Variants in MINPP1 observed in about 807,000 individuals in gnomAD.
MINPP1 encodes the protein multiple inositol-polyphosphate phosphatase 1.
Under a neutral mutation model 46.1 loss-of-function variants are expected in MINPP1, and 28 were observed. The ratio of observed to expected loss-of-function variants is 0.61; its 90% confidence interval spans 0.45 to 0.83. The LOEUF is 0.83. MINPP1 is among the 40% of genes least tolerant of loss of function. MINPP1 has a pLI of 0.00. For missense variants in MINPP1, 603 were observed against 610.0 expected (o/e 0.99, Z 0.12); for synonymous variants, 268 against 249.1 (o/e 1.08, Z -0.72).
intron 4 of MINPP1, among the ~76,000 whole-genome samples, chr10:87,525,021 T>C (rs1208780835): frequency 6.6e-6 from 1 of 152,050 alleles, no homozygotes; most frequent in Non-Finnish European, 1.5e-5. Flanking sequence ...GCACGTGCTG[T>C]TGGAAAAATT....
intron 4 of MINPP1, among the ~76,000 whole-genome samples, chr10:87,545,461 C>T (rs1190883171): frequency 6.6e-6 from 1 of 151,870 alleles, no homozygotes; most frequent in Non-Finnish European, 1.5e-5. Flanking sequence ...TTGTGTTATA[C>T]TTCACCAGTA....
At chr10:87,520,079 T>TGTGTGTGTGTGTG (rs1359714382) in intron 3 of MINPP1, among the ~76,000 whole-genome samples, 5 of 151,550 alleles carry the variant, frequency 3.3e-5, no homozygotes, top group South Asian at 2.1e-4. Flanking sequence ...TGTGTGTGTG[T>TGTGTGTGTGTGTG]TGGTAATAAA....
intron 4 of MINPP1, among the ~76,000 whole-genome samples, chr10:87,538,912 C>T (rs972420727): frequency 6.6e-6 from 1 of 152,096 alleles, no homozygotes; most frequent in African/African-American, 2.4e-5. Context: ...GTTGTTTTTT[C>T]TGGTTGAGCT....
rs1286697148 is a variant in MINPP1, at chr10:87,505,518, C to G, written c.603C>G (p.His201Gln). The part of the protein sequence containing the change: ...SAAFLQGLWQ[H>Q]YHPGLPPPDV... The stretch of plus-strand genomic sequence containing the variant: ...CCTTCCTGCAGGGGCTGTGGCAGCA[C>G]TACCACCCTGGCTTGCCGCCGCCGG... Residue 201 changes from histidine to glutamine, a missense_variant, in exon 1 of 5, where the codon CAC (histidine) becomes CAG (glutamine). Physicochemically the swap from His to Gln is conservative, Grantham distance 24. Around this residue, in one of 3 missense-constraint regions of MINPP1, gnomAD observed 344 missense variants for 381.1 expected, o/e 0.90. Transcript: ENST00000371996. The surrounding 1 kb of genome is among the most constrained non-coding windows in gnomAD (Gnocchi z 4.4). 1 of 1,611,328 alleles carries G rather than the reference C, an allele frequency of 6.2e-7. No homozygotes were observed. The highest frequency in any genetic ancestry group is 1.3e-5 in the African/African-American group (1 of 74,914).
rs185822179 is a variant in MINPP1, at chr10:87,546,179, A to G, written c.1068-5903A>G. The stretch of plus-strand genomic sequence containing the variant: ...GCATAAATTAATCGTATGCTAAACA[A>G]GGAGTGGATTATTCATGAGTTTTCT... On this transcript the variant is annotated intron_variant, in intron 4 of 4. Transcript: ENST00000371996. Among the ~76,000 whole-genome samples, 651 of 152,346 alleles carry G rather than the reference A, an allele frequency of 4.3e-3. 5 individuals are homozygous for G. Among genetic ancestry groups the G allele is most frequent in the African/African-American group, 0.015 (628 of 41,572 alleles).
chr10:87,546,523 G>A (rs1202783179), intron 4 of MINPP1: 2 of 152,242 alleles, frequency 1.3e-5, no homozygotes, highest in African/African-American at 2.4e-5. Context: ...GCTTTTTATA[G>A]AACTGTGCTT....
chr10:87,516,010 G>A (rs913130768), intron 3 of MINPP1, among the ~76,000 whole-genome samples: 6 of 146,498 alleles, frequency 4.1e-5, no homozygotes, highest in Admixed American at 3.4e-4. Flanking sequence ...TGTATTTTTA[G>A]TAGAGACGGG....
intron 2 of MINPP1, among the ~76,000 whole-genome samples, chr10:87,512,796 C>T (rs1331420188): frequency 6.6e-6 from 1 of 151,814 alleles, no homozygotes; most frequent in Admixed American, 6.6e-5. Flanking sequence ...ATCACCACTG[C>T]ACTCTAGCCT....
chr10:87,544,773 T>G (rs1264285038), intron 4 of MINPP1, among the ~76,000 whole-genome samples: 1 of 152,212 alleles, frequency 6.6e-6, no homozygotes, highest in Admixed American at 6.5e-5. Flanking sequence ...AGTAATACTT[T>G]ACAAAGTAAT....
chr10:87,531,680 A>T (rs1411090498), intron 4 of MINPP1, among the ~76,000 whole-genome samples: 1 of 152,212 alleles, frequency 6.6e-6, no homozygotes, highest in Non-Finnish European at 1.5e-5. Flanking sequence ...TGCGGATGTG[A>T]TGCAGCAAGT....
intron 2 of MINPP1, among the ~76,000 whole-genome samples, chr10:87,509,398 T>G (rs931583492): frequency 2.6e-5 from 4 of 152,170 alleles, no homozygotes; most frequent in African/African-American, 9.7e-5. Flanking sequence ...GAAATTGAAT[T>G]TTTTCTCTCT....
rs745377288 is a variant in MINPP1 at position 87,505,018 on chromosome 10, C to G, written c.103C>G (p.Pro35Ala). The change falls in exon 1 of 5, where the codon CCG becomes GCG. Residue 35 changes from proline (P) to alanine (A), a missense_variant. Pro to Ala is a conservative substitution (Grantham distance 27, BLOSUM62 -1). Coordinates refer to ENST00000371996, the MANE Select transcript of MINPP1 (RefSeq NM_004897.5). The surrounding 1 kb of genome is among the most constrained non-coding windows in gnomAD (Gnocchi z 4.4). ...GCTTGCGCGCTGCTCTCTTCTAGAGCCGAGGGACCCGGTGGCCTCGTCGCT... is the reference window on the plus strand; with the variant it reads ...GCTTGCGCGCTGCTCTCTTCTAGAGGCGAGGGACCCGGTGGCCTCGTCGCT... ...SSLARCSLLE[P>A]RDPVASSLSP... 1.5e-5 allele frequency: 25 copies of G among 1,612,966 alleles called. No homozygotes were observed. The highest frequency in any genetic ancestry group is 2.0e-5 in the Non-Finnish European group (24 of 1,179,892).
rs1406423797 is a variant in MINPP1 at position 87,516,414 on chromosome 10, A to C, written c.933+3193A>C. On this transcript the variant is annotated intron_variant, in intron 3 of 4. Transcript: ENST00000371996. ...GTTATGGTGGGGTTGCATCCAGATA[A>C]ACCCATGGTAGATTGAATATCTTAA... Among the ~76,000 whole-genome samples, 5 of 104,940 alleles carry C rather than the reference A, an allele frequency of 4.8e-5. 1 individual carries two copies. The highest frequency in any genetic ancestry group is 1.4e-4 in the African/African-American group (5 of 34,966). 68.8% of individuals were successfully genotyped at this position (104,940 alleles called of 152,430 possible). A position where few individuals can be genotyped will look rare whatever the true frequency, so the allele number is the denominator to read the frequency against.
rs781197534 is a variant in MINPP1, at chr10:87,508,434, C to G, written c.736C>G (p.Leu246Val). ...LTEVEKNATA[L>V]YHVEAFKTGP... ...TGAAGTAGAAAAAAATGCTACAGCTCTTTATCACGTGGAAGCCTTCAAAAC... is the reference window on the plus strand; with the variant it reads ...TGAAGTAGAAAAAAATGCTACAGCTGTTTATCACGTGGAAGCCTTCAAAAC... Residue 246 changes from leucine to valine, a missense_variant, in exon 2 of 5, where the codon CTT (leucine) becomes GTT (valine). Around this residue, in one of 3 missense-constraint regions of MINPP1, gnomAD observed 344 missense variants for 381.1 expected, o/e 0.90. Coordinates refer to ENST00000371996, the MANE Select transcript of MINPP1 (RefSeq NM_004897.5). 12 of 1,613,754 alleles carry G rather than the reference C, an allele frequency of 7.4e-6. No individual in the cohort carries two copies. The highest frequency in any genetic ancestry group is 1.0e-5 in the Non-Finnish European group (12 of 1,179,848).
Position 87,505,542 on chromosome 10 carries a change from G to A in MINPP1, c.627G>A (p.Pro209=), listed in dbSNP as rs370593785. 1.2e-6 allele frequency: 2 copies of A among 1,605,576 alleles called. No homozygotes were observed. The highest frequency in any genetic ancestry group is 1.3e-5 in the African/African-American group (1 of 74,856). Reference sequence around the variant, plus strand: ...ACTACCACCCTGGCTTGCCGCCGCCGGACGTCGCAGGTGACCCCCCGGGCG... The same window carrying A: ...ACTACCACCCTGGCTTGCCGCCGCCAGACGTCGCAGGTGACCCCCCGGGCG... The part of the protein sequence containing the change: ...WQHYHPGLPP[P]DVADMEFGPP... The change falls in exon 1 of 5, where the codon CCG becomes CCA. Residue 209 remains proline, a synonymous_variant. Transcript: ENST00000371996. This position sits in a 1 kb window ranked among gnomAD's most constrained non-coding sequence, Gnocchi z 4.4.
intron 2 of MINPP1, among the ~76,000 whole-genome samples, chr10:87,510,074 A>G (rs1247740130): frequency 6.6e-6 from 1 of 152,192 alleles, no homozygotes; most frequent in Non-Finnish European, 1.5e-5. Context: ...CTATTGAATA[A>G]CTATGATTTT....
At chr10:87,516,079 T>C (rs1851411093) in intron 3 of MINPP1, among the ~76,000 whole-genome samples, 1 of 103,512 alleles carries the variant, frequency 9.7e-6, no homozygotes, top group African/African-American at 2.9e-5. Flanking sequence ...TCCGCCCGCC[T>C]CACCCTCCCA....
intron 4 of MINPP1, among the ~76,000 whole-genome samples, chr10:87,546,079 G>A (rs779791216): frequency 1.9e-4 from 29 of 152,214 alleles, no homozygotes; most frequent in Non-Finnish European, 3.5e-4. Context: ...AGGAATAAAA[G>A]GGAGGCTGCC....
At position 87,521,160 on chromosome 10, in the gene MINPP1, A is replaced by G; in HGVS notation, c.1058A>G (p.Gln353Arg). Residue 353 changes from glutamine (Q) to arginine (R), a missense_variant, in exon 4 of 5, where the codon CAG (glutamine) becomes CGG (arginine). Physicochemically the swap from Gln to Arg is conservative, Grantham distance 43. Around this residue, in one of 3 missense-constraint regions of MINPP1, gnomAD observed 344 missense variants for 381.1 expected, o/e 0.90. Coordinates refer to ENST00000371996, the MANE Select transcript of MINPP1 (RefSeq NM_004897.5). ...CAGCACTTGGACAAAGCAGTTGAAC[A>G]GAAACAAAGGTAAGAACTTTCTAAA... ...IFQHLDKAVEQKQRSQPISSP... is the reference protein window; with the variant it reads ...IFQHLDKAVERKQRSQPISSP... The G allele has an allele frequency of 6.2e-7, 1 of 1,611,710 alleles. No homozygotes were observed.
Sources: allele counts gnomAD v4.1 joint callset (sites outside exome capture counted in the v4.1 genomes callset), GRCh38; gene constraint gnomAD v4.1.1; regional missense constraint gnomAD v4.1.1; non-coding constraint Gnocchi (gnomAD v3.1); transcripts MANE v1.5; gene names NCBI Gene and HGNC (gene_info 2026-07-23, HGNC 2026-07-21).